The following RAB15 variants were observed in gnomAD, a reference collection of about 807,000 sequenced individuals.
RAB15 encodes RAB15, member RAS oncogene family, also known as ras-related protein Rab-15.
RAB15 carries 13 observed loss-of-function variants against 31.8 expected under a neutral mutation model. That is an observed-to-expected ratio of 0.41 (90% CI 0.27 to 0.65). RAB15 has a LOEUF of 0.65. RAB15 is among the 30% of genes least tolerant of loss of function. RAB15 has a pLI of 0.32. For synonymous variants in RAB15, 100 were observed against 105.6 expected (o/e 0.95, Z 0.33); for missense variants, 220 against 277.3 (o/e 0.79, Z 1.47).
rs1338438600 is a variant in RAB15 at position 64,951,337 on chromosome 14, A to C, written c.247-186T>G. ...CCAGGCCCATCACAGAACTCTCTAC[A>C]GCAGGAAGACACCACATGCTTTGAC... On this transcript the variant is annotated intron_variant, in intron 3 of 6. Transcript: ENST00000533601. This position sits in a 1 kb window ranked among gnomAD's most constrained non-coding sequence, Gnocchi z 7.2. Among the ~76,000 whole-genome samples the C allele has an allele frequency of 6.6e-6, 1 of 152,172 alleles. No individual in the cohort carries two copies. Among genetic ancestry groups the C allele is most frequent in the African/African-American group, 2.4e-5 (1 of 41,454 alleles).
At position 64,953,923 on chromosome 14, in the gene RAB15, T is replaced by G; in HGVS notation, c.125-1352A>C. 1.0e-6 allele frequency: 1 copy of G among 985,388 alleles called. No individual in the cohort carries two copies. Among genetic ancestry groups the G allele is most frequent in the African/African-American group, 1.7e-5 (1 of 57,336 alleles). 61.0% of individuals were successfully genotyped at this position (985,388 alleles called of 1,614,324 possible). ...CCCAGAAGGCCTGAAGGCACCAGCA[T>G]CCCCATCACCACTGCCACTCCACCT... On this transcript the variant is annotated intron_variant, in intron 1 of 6. Coordinates refer to ENST00000533601, the MANE Select transcript of RAB15 (RefSeq NM_001308154.2). This position sits in a 1 kb window ranked among gnomAD's most constrained non-coding sequence, Gnocchi z 4.6.
Position 64,953,725 on chromosome 14 carries a change from AC to A in RAB15, c.125-1155del, listed in dbSNP as rs1453317632. ...CTGACCATGCCTCTCCCCAACTCTA[AC>A]TATACCCAGGCACTATGCCCAGGGA... is the stretch of plus-strand genomic sequence containing the variant. On this transcript the variant is annotated intron_variant, in intron 1 of 6. Coordinates refer to ENST00000533601, the MANE Select transcript of RAB15 (RefSeq NM_001308154.2). The surrounding 1 kb of genome is among the most constrained non-coding windows in gnomAD (Gnocchi z 4.6). The A allele has an allele frequency of 2.2e-6, 2 of 905,052 alleles. No homozygotes were observed. The highest frequency in any genetic ancestry group is 2.4e-4 in the East Asian group (2 of 8,422). The allele number at this position is 905,052 out of a possible 1,614,324, so 56.1% of individuals were successfully genotyped here.
Position 64,972,166 on chromosome 14 carries a change from A to G in RAB15, c.-90T>C. Reference sequence around the variant, plus strand: ...CATCGCGGCCCGCGCCCGCCCGGGGACGCTGCGGGCGGCGAGGAGGACGCC... The same window carrying G: ...CATCGCGGCCCGCGCCCGCCCGGGGGCGCTGCGGGCGGCGAGGAGGACGCC... On this transcript the variant is annotated 5_prime_UTR_variant, in exon 1 of 7. Transcript: ENST00000533601. The surrounding 1 kb of genome is among the most constrained non-coding windows in gnomAD (Gnocchi z 6.3). 1.8e-6 allele frequency: 2 copies of G among 1,113,660 alleles called. No individual in the cohort carries two copies. The highest frequency in any genetic ancestry group is 1.1e-6 in the Non-Finnish European group (1 of 898,428). 69.0% of individuals were successfully genotyped at this position (1,113,660 alleles called of 1,614,324 possible).
chr14:64,961,212 G>A (rs190442278), intron 1 of RAB15, among the ~76,000 whole-genome samples: 98 of 152,312 alleles, frequency 6.4e-4, no homozygotes, highest in African/African-American at 2.3e-3. Context: ...TCCCAGGAGT[G>A]CCCCAGCCCC....
rs1325016537 is a variant in RAB15, at chr14:64,950,277, A to C, written c.414+48T>G. On this transcript the variant is annotated intron_variant, in intron 5 of 6. Transcript: ENST00000533601. The surrounding 1 kb of genome is among the most constrained non-coding windows in gnomAD (Gnocchi z 5.6). ...TCCCCACGCTCAGGACTGGCCCTGGAGGCCCAGCAGAGGACCTGGGGTGGA... is the reference window on the plus strand; with the variant it reads ...TCCCCACGCTCAGGACTGGCCCTGGCGGCCCAGCAGAGGACCTGGGGTGGA... 1 of 1,469,898 alleles carries C rather than the reference A, an allele frequency of 6.8e-7. No homozygotes were observed. The highest frequency in any genetic ancestry group is 1.7e-5 in the Admixed American group (1 of 59,872). 91.1% of individuals were successfully genotyped at this position (1,469,898 alleles called of 1,614,324 possible). A position where few individuals can be genotyped will look rare whatever the true frequency, so the allele number is the denominator to read the frequency against.
At chr14:64,956,647 G>A (rs570702900) in intron 1 of RAB15, among the ~76,000 whole-genome samples, 1 of 152,162 alleles carries the variant, frequency 6.6e-6, no homozygotes, top group Non-Finnish European at 1.5e-5. Flanking sequence ...GTTTCTCAAG[G>A]TGTGCTTTGC....
chr14:64,954,162 C>T lies in RAB15; in HGVS notation c.125-1591G>A. 2 of 985,404 alleles carry T rather than the reference C, an allele frequency of 2.0e-6. No individual in the cohort carries two copies. The highest frequency in any genetic ancestry group is 2.4e-6 in the Non-Finnish European group (2 of 829,922). The allele number at this position is 985,404 out of a possible 1,614,324, so 61.0% of individuals were successfully genotyped here. On this transcript the variant is annotated intron_variant, in intron 1 of 6. Transcript: ENST00000533601. This position sits in a 1 kb window ranked among gnomAD's most constrained non-coding sequence, Gnocchi z 4.3. The stretch of plus-strand genomic sequence containing the variant: ...CATTTCTCGCCTGCCCAAGCTGATT[C>T]ATATCCATTGAGCTGTACTTTTCCA...
rs1886012939 is a variant in RAB15, at chr14:64,948,082, A to C, written c.*272T>G. ...TCTGGTGGGTGCGGGATGGTGAGAC[A>C]GTGCTTGCGGCACATCGTGGGGGTC... On this transcript the variant is annotated 3_prime_UTR_variant, in exon 7 of 7. Transcript: ENST00000533601. This position sits in a 1 kb window ranked among gnomAD's most constrained non-coding sequence, Gnocchi z 7.0. The C allele has an allele frequency of 2.5e-6, 1 of 396,934 alleles. No homozygotes were observed. The highest frequency in any genetic ancestry group is 2.1e-5 in the African/African-American group (1 of 48,558). The allele number at this position is 396,934 out of a possible 1,614,324, so 24.6% of individuals were successfully genotyped here.
At chr14:64,960,383 T>G (rs142030141) in intron 1 of RAB15, among the ~76,000 whole-genome samples, 43 of 152,282 alleles carry the variant, frequency 2.8e-4, no homozygotes, top group Non-Finnish European at 5.7e-4. Context: ...TTCCCATCAC[T>G]GTCTGCCTCC....
In RAB15 at chr14:64,948,009, G is replaced by A. The variant is rs545413948; in HGVS notation, c.*345C>T. 8 of 258,730 alleles carry A rather than the reference G, an allele frequency of 3.1e-5. No individual in the cohort carries two copies. Among genetic ancestry groups the A allele is most frequent in the South Asian group, 1.6e-4 (1 of 6,226 alleles). The allele number at this position is 258,730 out of a possible 1,614,324, so 16.0% of individuals were successfully genotyped here. On this transcript the variant is annotated 3_prime_UTR_variant, in exon 7 of 7. Transcript: ENST00000533601. The surrounding 1 kb of genome is among the most constrained non-coding windows in gnomAD (Gnocchi z 7.0). ...AAAGCAGAGAAGAGACACGATGCAC[G>A]GAGAAAGGAGCAGCTGAAAGTGGCC... is the stretch of plus-strand genomic sequence containing the variant.
chr14:64,968,891 T>C lies in RAB15; in HGVS notation c.124+3062A>G, dbSNP rs1304343242. Among the ~76,000 whole-genome samples the C allele has an allele frequency of 6.6e-6, 1 of 152,018 alleles. No homozygotes were observed. Among genetic ancestry groups the C allele is most frequent in the African/African-American group, 2.4e-5 (1 of 41,384 alleles). ...CTGCTGGCCAGAAAGACGAAAAGGA[T>C]AGGGGGAGGGACAGTCAGTGTCTCA... On this transcript the variant is annotated intron_variant, in intron 1 of 6. Coordinates refer to ENST00000533601, the MANE Select transcript of RAB15 (RefSeq NM_001308154.2). The surrounding 1 kb of genome is among the most constrained non-coding windows in gnomAD (Gnocchi z 4.9).
chr14:64,953,834 CCA>C lies in RAB15; in HGVS notation c.125-1265_125-1264del, dbSNP rs1886399907. On this transcript the variant is annotated intron_variant, in intron 1 of 6. Coordinates refer to ENST00000533601, the MANE Select transcript of RAB15 (RefSeq NM_001308154.2). This position sits in a 1 kb window ranked among gnomAD's most constrained non-coding sequence, Gnocchi z 4.6. ...CAAGGTCAGGAGTGGGCATGATCAGCCACAGTTTTCAGATGGGAACATGGTAG... is the reference window on the plus strand; with the variant it reads ...CAAGGTCAGGAGTGGGCATGATCAGCCAGTTTTCAGATGGGAACATGGTAG... The C allele has an allele frequency of 1.6e-5, 16 of 985,276 alleles. No individual in the cohort carries two copies. Among genetic ancestry groups the C allele is most frequent in the South Asian group, 4.7e-5 (1 of 21,288 alleles). 61.0% of individuals were successfully genotyped at this position (985,276 alleles called of 1,614,324 possible). A position where few individuals can be genotyped will look rare whatever the true frequency, so the allele number is the denominator to read the frequency against.
intron 1 of RAB15, among the ~76,000 whole-genome samples, chr14:64,963,405 G>C (rs1886965053): frequency 6.6e-6 from 1 of 152,010 alleles, no homozygotes; most frequent in Non-Finnish European, 1.5e-5. Flanking sequence ...TGTGCAGTGT[G>C]CTCCAGCCAC....
intron 1 of RAB15, among the ~76,000 whole-genome samples, chr14:64,964,722 C>G (rs1165203589): frequency 6.6e-6 from 1 of 151,790 alleles, no homozygotes; most frequent in Admixed American, 6.6e-5. Context: ...ATTACAGGCA[C>G]CTGCCACAAC....
rs1039768052 is a variant in RAB15 at position 64,971,163 on chromosome 14, G to T, written c.124+790C>A. Among the ~76,000 whole-genome samples the T allele has an allele frequency of 6.6e-6, 1 of 152,164 alleles. No individual in the cohort carries two copies. The highest frequency in any genetic ancestry group is 1.5e-5 in the Non-Finnish European group (1 of 68,022). The stretch of plus-strand genomic sequence containing the variant: ...CTGACTGTCTCAGAGGGGAGGCCAT[G>T]GACCCATTCCTAGAATAAGTGACCC... On this transcript the variant is annotated intron_variant, in intron 1 of 6. Transcript: ENST00000533601. This position sits in a 1 kb window ranked among gnomAD's most constrained non-coding sequence, Gnocchi z 4.1.
chr14:64,948,585 A>G lies in RAB15; in HGVS notation c.481-73T>C, dbSNP rs1594930434. 1 of 1,607,480 alleles carries G rather than the reference A, an allele frequency of 6.2e-7. No homozygotes were observed. Among genetic ancestry groups the G allele is most frequent in the Non-Finnish European group, 8.5e-7 (1 of 1,175,722 alleles). ...TGGCAACCCTGCAGCGGCCTGAGGGATAAGGTCCATCTTATGGCTCCTCCT... is the reference window on the plus strand; with the variant it reads ...TGGCAACCCTGCAGCGGCCTGAGGGGTAAGGTCCATCTTATGGCTCCTCCT... On this transcript the variant is annotated intron_variant, in intron 6 of 6. Transcript: ENST00000533601. This position sits in a 1 kb window ranked among gnomAD's most constrained non-coding sequence, Gnocchi z 7.0.
chr14:64,958,913 A>C lies in RAB15; in HGVS notation c.125-6342T>G, dbSNP rs1886714238. Among the ~76,000 whole-genome samples, 1 of 152,202 alleles carries C rather than the reference A, an allele frequency of 6.6e-6. No individual in the cohort carries two copies. The highest frequency in any genetic ancestry group is 1.5e-5 in the Non-Finnish European group (1 of 68,036). Reference sequence around the variant, plus strand: ...TTTCTGGCTAGAACAGCTCAGCCCCAAACCTCTGCTCAGAGAAGCAGGGCT... The same window carrying C: ...TTTCTGGCTAGAACAGCTCAGCCCCCAACCTCTGCTCAGAGAAGCAGGGCT... On this transcript the variant is annotated intron_variant, in intron 1 of 6. Coordinates refer to ENST00000533601, the MANE Select transcript of RAB15 (RefSeq NM_001308154.2). This position sits in a 1 kb window ranked among gnomAD's most constrained non-coding sequence, Gnocchi z 4.4.
chr14:64,970,094 G>A lies in RAB15; in HGVS notation c.124+1859C>T, dbSNP rs1411364055. On this transcript the variant is annotated intron_variant, in intron 1 of 6. Transcript: ENST00000533601. The surrounding 1 kb of genome is among the most constrained non-coding windows in gnomAD (Gnocchi z 4.1). Reference sequence around the variant, plus strand: ...AAAGTCCATGTCACCTATAGGACTTGGAATGGGACTAGGAGAGCAGGTGCA... The same window carrying A: ...AAAGTCCATGTCACCTATAGGACTTAGAATGGGACTAGGAGAGCAGGTGCA... 6.6e-6 allele frequency among the ~76,000 whole-genome samples: 1 copy of A among 152,180 alleles called. No individual in the cohort carries two copies. Among genetic ancestry groups the A allele is most frequent in the African/African-American group, 2.4e-5 (1 of 41,432 alleles).
chr14:64,963,793 C>T (rs1202969870), intron 1 of RAB15, among the ~76,000 whole-genome samples: 4 of 152,182 alleles, frequency 2.6e-5, no homozygotes, highest in Admixed American at 2.0e-4. Context: ...GTGTTCTCCA[C>T]AGCACCTCCT....
Sources: allele counts gnomAD v4.1 joint callset (sites outside exome capture counted in the v4.1 genomes callset), GRCh38; gene constraint gnomAD v4.1.1; non-coding constraint Gnocchi (gnomAD v3.1); transcripts MANE v1.5; gene names NCBI Gene and HGNC (gene_info 2026-07-23, HGNC 2026-07-21).